SGCZ: variants seen among roughly 807,000 people sequenced by gnomAD.
The protein encoded by SGCZ is zeta-sarcoglycan.
SGCZ carries 40 observed loss-of-function variants against 41.3 expected under a neutral mutation model. That is an observed-to-expected ratio of 0.97 (90% CI 0.75 to 1.26). SGCZ has a LOEUF of 1.26. SGCZ is among the 50% of genes most tolerant of loss of function. The pLI is 0.00. For missense variants in SGCZ, 552 were observed against 369.8 expected (o/e 1.49, Z -4.04); for synonymous variants, 206 against 137.5 (o/e 1.50, Z -3.49).
intron 1 of SGCZ, among the ~76,000 whole-genome samples, chr8:14,769,230 A>T (rs1800147273): frequency 6.6e-6 from 1 of 152,202 alleles, no homozygotes; most frequent in Non-Finnish European, 1.5e-5. Flanking sequence ...TGAATAAAAA[A>T]TAATGAGAAT....
chr8:14,338,216 A>C (rs1162082339), intron 2 of SGCZ, among the ~76,000 whole-genome samples: 1 of 152,214 alleles, frequency 6.6e-6, no homozygotes, highest in African/African-American at 2.4e-5. Flanking sequence ...AGAAAGGCTC[A>C]GACTCCTAAG....
chr8:14,403,662 C>T (rs190612712), intron 2 of SGCZ, among the ~76,000 whole-genome samples: 25 of 152,162 alleles, frequency 1.6e-4, no homozygotes, highest in Admixed American at 1.5e-3. Context: ...CATCAAAAAA[C>T]TTATTTTCAT....
intron 1 of SGCZ, among the ~76,000 whole-genome samples, chr8:15,236,241 C>G (rs2117219847): frequency 6.6e-6 from 1 of 152,332 alleles, no homozygotes; most frequent in African/African-American, 2.4e-5. Context: ...TTCTCTGTCC[C>G]TCCTTCCTTC....
chr8:14,281,368 T>C (rs1426605401), intron 3 of SGCZ, among the ~76,000 whole-genome samples: 1 of 152,030 alleles, frequency 6.6e-6, no homozygotes, highest in Non-Finnish European at 1.5e-5. Context: ...CTGTCACTAT[T>C]AGCTCCGTTC....
chr8:14,895,546 T>C (rs530086370), intron 1 of SGCZ, among the ~76,000 whole-genome samples: 2 of 152,258 alleles, frequency 1.3e-5, no homozygotes, highest in East Asian at 3.9e-4. Context: ...CCATAAGGAC[T>C]GATAGAAAAC....
chr8:14,633,939 G>C (rs1806742199), intron 1 of SGCZ, among the ~76,000 whole-genome samples: 1 of 151,824 alleles, frequency 6.6e-6, no homozygotes, highest in Non-Finnish European at 1.5e-5. Flanking sequence ...AATTTTCGCA[G>C]TTCAGAAATG....
chr8:14,288,921 C>T (rs1327843555), intron 3 of SGCZ, among the ~76,000 whole-genome samples: 1 of 152,074 alleles, frequency 6.6e-6, no homozygotes, highest in Non-Finnish European at 1.5e-5. Context: ...CCAATTACTC[C>T]ACATTTTCAC....
intron 2 of SGCZ, among the ~76,000 whole-genome samples, chr8:14,353,443 C>G (rs1268053604): frequency 1.3e-5 from 2 of 151,952 alleles, no homozygotes; most frequent in African/African-American, 4.8e-5. Context: ...GAACCCAGAC[C>G]ACTATTTTCA....
chr8:15,086,950 G>A (rs557739856), intron 1 of SGCZ, among the ~76,000 whole-genome samples: 3 of 152,128 alleles, frequency 2.0e-5, no homozygotes, highest in Admixed American at 1.3e-4. Flanking sequence ...GCAAGTTTTG[G>A]TGAAAAGGAA....
At chr8:15,127,713 G>T (rs1807757418) in intron 1 of SGCZ, among the ~76,000 whole-genome samples, 2 of 152,014 alleles carry the variant, frequency 1.3e-5, no homozygotes, top group South Asian at 4.1e-4. Context: ...ATTTATAAAA[G>T]TCTCCCTCTT....
chr8:14,507,768 GT>G (rs1343027652), intron 2 of SGCZ, among the ~76,000 whole-genome samples: 1 of 62,220 alleles, frequency 1.6e-5, no homozygotes, highest in Non-Finnish European at 3.0e-5. Context: ...TTGTTTTTTT[GT>G]TTTTGTTTTT....
intron 1 of SGCZ, among the ~76,000 whole-genome samples, chr8:15,091,064 A>G (rs766449201): frequency 2.6e-5 from 4 of 152,238 alleles, no homozygotes; most frequent in Non-Finnish European, 5.9e-5. Context: ...CTGTTTTTAT[A>G]TTAAATGTTT....
At chr8:14,472,500 C>A (rs984473754) in intron 2 of SGCZ, among the ~76,000 whole-genome samples, 2 of 152,036 alleles carry the variant, frequency 1.3e-5, no homozygotes, top group Admixed American at 6.6e-5. Context: ...GAATGTGATA[C>A]TTTTAACACA....
At chr8:14,795,944 T>C (rs928295887) in intron 1 of SGCZ, among the ~76,000 whole-genome samples, 6 of 152,120 alleles carry the variant, frequency 3.9e-5, no homozygotes, top group Admixed American at 3.3e-4. Context: ...TCTGTTCCTG[T>C]GTTAGTTTTC....
In SGCZ at chr8:14,102,451, G is replaced by C. The variant is rs780577487; in HGVS notation, c.669C>G (p.Val223=). 1 of 1,518,732 alleles carries C rather than the reference G, an allele frequency of 6.6e-7. No homozygotes were observed. The highest frequency in any genetic ancestry group is 8.9e-7 in the Non-Finnish European group (1 of 1,120,068). The allele number at this position is 1,518,732 out of a possible 1,614,324, so 94.1% of individuals were successfully genotyped here. A position where few individuals can be genotyped will look rare whatever the true frequency, so the allele number is the denominator to read the frequency against. The change falls in exon 7 of 8, where the codon GTC becomes GTG. Residue 223 remains valine (V), a synonymous_variant. Coordinates refer to ENST00000382080, the MANE Select transcript of SGCZ (RefSeq NM_139167.4). ...RSLIMEAPRG[V]QVSAAAGDFK... is the part of the protein sequence containing the mutation. ...AGTCTCCTGCAGCAGCACTCACCTG[G>C]ACCCCACGGGGAGCTTCCATGATCA...
At chr8:14,416,184 T>C (rs1461882) in intron 2 of SGCZ, among the ~76,000 whole-genome samples, 103,510 of 151,650 alleles carry the variant, frequency 0.68, 35,439 homozygotes, top group East Asian at 0.83. Flanking sequence ...ACACACACTT[T>C]TATATCAGAA....
At chr8:14,235,544 C>T (rs1208963507) in intron 4 of SGCZ, among the ~76,000 whole-genome samples, 2 of 152,156 alleles carry the variant, frequency 1.3e-5, no homozygotes, top group African/African-American at 4.8e-5. Context: ...ACACTAAATT[C>T]TTTATTTCCT....
At chr8:14,641,648 C>T (rs999110659) in intron 1 of SGCZ, among the ~76,000 whole-genome samples, 1 of 151,638 alleles carries the variant, frequency 6.6e-6, no homozygotes, top group Non-Finnish European at 1.5e-5. Context: ...AAAACACAAT[C>T]TTTCTCATTT....
intron 1 of SGCZ, among the ~76,000 whole-genome samples, chr8:14,702,936 G>C (rs1261316459): frequency 8.6e-6 from 1 of 116,182 alleles, no homozygotes; most frequent in Non-Finnish European, 1.8e-5. Flanking sequence ...TAGATAGATA[G>C]ATAGATAGAT....
Sources: allele counts gnomAD v4.1 joint callset (sites outside exome capture counted in the v4.1 genomes callset), GRCh38; gene constraint gnomAD v4.1.1; transcripts MANE v1.5; gene names NCBI Gene and HGNC (gene_info 2026-07-23, HGNC 2026-07-21).